The following IL31RA variants were observed in gnomAD, a reference collection of about 807,000 sequenced individuals.
IL31RA encodes interleukin 31 receptor A.
IL31RA carries 66 observed loss-of-function variants against 83.7 expected under a neutral mutation model. The observed-to-expected ratio is 0.79, with a 90% CI of 0.65 to 0.97. The LOEUF is 0.97. Ranked by LOEUF, IL31RA falls within the 50% of genes least tolerant of loss-of-function variation. The pLI is 0.00. For synonymous variants in IL31RA, 325 were observed against 329.0 expected, an observed-to-expected ratio of 0.99 and a Z score of 0.13; for missense variants, 798 against 919.4, an observed-to-expected ratio of 0.87 and a Z score of 1.71.
Position 55,886,268 on chromosome 5 carries a change from C to CTTTTTTTTTTTTTTTTTTT in IL31RA, c.606+3078_606+3096dup, listed in dbSNP as rs35481013. Among the ~76,000 whole-genome samples the CTTTTTTTTTTTTTTTTTTT allele has an allele frequency of 5.6e-5, 4 of 71,510 alleles. 1 individual carries two copies. Among genetic ancestry groups the CTTTTTTTTTTTTTTTTTTT allele is most frequent in the African/African-American group, 2.2e-4 (3 of 13,704 alleles). 46.9% of individuals were successfully genotyped at this position (71,510 alleles called of 152,430 possible). Reference sequence around the variant, plus strand: ...GCTAGCTTGCTTGCTTGCTTGCTTGCTTTTTTTTTTTTTTTTTTTTTTTGA... The same window carrying CTTTTTTTTTTTTTTTTTTT: ...GCTAGCTTGCTTGCTTGCTTGCTTGCTTTTTTTTTTTTTTTTTTTTTTTTTTTTTTTTTTTTTTTTTTGA... On this transcript the variant is annotated intron_variant, in intron 5 of 14. Transcript: ENST00000652347.
intron 1 of IL31RA, among the ~76,000 whole-genome samples, chr5:55,855,882 T>G (rs1219967933): frequency 1.3e-5 from 2 of 152,086 alleles, no homozygotes; most frequent in Non-Finnish European, 2.9e-5. Context: ...TCTCTTTTGT[T>G]GTTGGTTTTG....
At chr5:55,875,323 T>A (rs1365601223) in intron 4 of IL31RA, among the ~76,000 whole-genome samples, 2 of 152,190 alleles carry the variant, frequency 1.3e-5, no homozygotes, top group African/African-American at 4.8e-5. Flanking sequence ...GGTCTGTAGC[T>A]TTCTTGTGAT....
chr5:55,892,200 C>CT (rs1020464085), intron 6 of IL31RA, among the ~76,000 whole-genome samples: 11 of 152,306 alleles, frequency 7.2e-5, no homozygotes, highest in African/African-American at 2.6e-4. Flanking sequence ...AATGCCCACC[C>CT]TTCTAACCTT....
At position 55,890,245 on chromosome 5, in the gene IL31RA, C is replaced by T. The variant is rs1747903612; in HGVS notation, c.772+110C>T. On this transcript the variant is annotated intron_variant, in intron 6 of 14. Transcript: ENST00000652347. ...GGTTGGGAATCATGGAATCTCATGA[C>T]CCCAGGGGCCCCCTGTACCATCGAG... 7 of 1,036,254 alleles carry T rather than the reference C, an allele frequency of 6.8e-6. No homozygotes were observed. The East Asian group carries it at 1.8e-4, about 26-fold the overall frequency. The allele number at this position is 1,036,254 out of a possible 1,614,324, so 64.2% of individuals were successfully genotyped here.
intron 3 of IL31RA, among the ~76,000 whole-genome samples, chr5:55,870,821 G>A (rs1746461624): frequency 6.6e-6 from 1 of 152,198 alleles, no homozygotes; most frequent in Admixed American, 6.5e-5. Context: ...ACCTTCTGAT[G>A]TCCAGAAACA....
At chr5:55,907,746 C>T (rs944320104) in intron 10 of IL31RA, among the ~76,000 whole-genome samples, 22 of 152,300 alleles carry the variant, frequency 1.4e-4, no homozygotes, top group African/African-American at 5.3e-4. Flanking sequence ...AGAGCTGCTA[C>T]CAGCAATAAC....
intron 12 of IL31RA, among the ~76,000 whole-genome samples, chr5:55,912,885 T>G (rs536973978): frequency 6.6e-6 from 1 of 152,040 alleles, no homozygotes; most frequent in East Asian, 2.0e-4. Context: ...GGAGGTTGCT[T>G]GAGCCCAGGA....
At position 55,900,108 on chromosome 5, in the gene IL31RA, AG is replaced by A; in HGVS notation, c.1047del (p.Ile350PhefsTer24). The A allele has an allele frequency of 6.2e-7, 1 of 1,613,720 alleles. No individual in the cohort carries two copies. The highest frequency in any genetic ancestry group is 1.1e-5 in the South Asian group (1 of 91,074). ...SLGKSPVATLRIPAIQEKSFQ... is the reference protein window; with the variant it reads ...SLGKSPVATLXIPAIQEKSFQ... Reference sequence around the variant, plus strand: ...TGGGAAGTCTCCAGTGGCCACCCTGAGGATTCCAGCTATTCAAGAAAAATGT... The same window carrying A: ...TGGGAAGTCTCCAGTGGCCACCCTGAGATTCCAGCTATTCAAGAAAAATGT... On this transcript the variant is annotated frameshift_variant, in exon 8 of 15. Coordinates refer to ENST00000652347, the MANE Select transcript of IL31RA (RefSeq NM_139017.7). LOFTEE classifies it high-confidence loss of function.
intron 8 of IL31RA, among the ~76,000 whole-genome samples, chr5:55,901,725 C>A (rs1353885078): frequency 6.6e-6 from 1 of 151,906 alleles, no homozygotes; most frequent in African/African-American, 2.4e-5. Context: ...AAGCAATTAT[C>A]CTGCCTCAGC....
chr5:55,910,683 C>T lies in IL31RA; in HGVS notation c.1642+11C>T, dbSNP rs761817293. On this transcript the variant is annotated intron_variant, in intron 12 of 14. Transcript: ENST00000652347. Reference sequence around the variant, plus strand: ...AGACATTGTCATTCAGTGAGTATTTCCTTCAAGCCTTAGGTACCTCTCCCT... The same window carrying T: ...AGACATTGTCATTCAGTGAGTATTTTCTTCAAGCCTTAGGTACCTCTCCCT... 1.1e-4 allele frequency: 170 copies of T among 1,613,854 alleles called. No homozygotes were observed. The highest frequency in any genetic ancestry group is 1.4e-4 in the Non-Finnish European group (163 of 1,179,858).
chr5:55,877,850 T>A (rs1034236626), intron 4 of IL31RA, among the ~76,000 whole-genome samples: 1 of 152,170 alleles, frequency 6.6e-6, no homozygotes, highest in African/African-American at 2.4e-5. Context: ...GATTCTTGGA[T>A]TTGTAGATTT....
chr5:55,848,759 G>A (rs1202345930), upstream of IL31RA, among the ~76,000 whole-genome samples: 1 of 152,086 alleles, frequency 6.6e-6, no homozygotes. Flanking sequence ...GAGATGGGGG[G>A]GCTGCCTCAG....
chr5:55,905,406 A>G (rs1749086928), intron 8 of IL31RA, among the ~76,000 whole-genome samples: 1 of 151,968 alleles, frequency 6.6e-6, no homozygotes, highest in Non-Finnish European at 1.5e-5. Context: ...GTGTTCGAAT[A>G]TTTTCAGTAA....
rs2432147 is a variant in IL31RA, at chr5:55,867,279, A to G, written c.155-1512A>G. Among the ~76,000 whole-genome samples, 132 of 14,174 alleles carry G rather than the reference A, an allele frequency of 9.3e-3. 4 individuals carry two copies. Among genetic ancestry groups the G allele is most frequent in the Middle Eastern group, 0.12 (2 of 16 alleles). 9.3% of individuals were successfully genotyped at this position (14,174 alleles called of 152,430 possible). On this transcript the variant is annotated intron_variant, in intron 2 of 14. Transcript: ENST00000652347. ...CGTGTGTTTGTGTGCGTGTGTGTGC[A>G]TGTGTGTGTGCATGTGTGTGTGTGC... is the stretch of plus-strand genomic sequence containing the variant.
At chr5:55,909,226 T>C (rs1487039804) in intron 11 of IL31RA, 2 of 152,714 alleles carry the variant, frequency 1.3e-5, no homozygotes, top group East Asian at 3.8e-4. Flanking sequence ...TACTTATTCA[T>C]TTTTATGGCT....
chr5:55,896,205 T>C (rs929812789), intron 6 of IL31RA, 145 bp from the exon 7 acceptor site: 5 of 707,774 alleles, frequency 7.1e-6, no homozygotes, highest in African/African-American at 3.5e-5. Context: ...TCTTTGGTCA[T>C]TGCAAAGCTG....
At position 55,906,207 on chromosome 5, in the gene IL31RA, T is replaced by C. The variant is rs1749144461; in HGVS notation, c.1171T>C (p.Trp391Arg). ...ALDVNTWMIE[W>R]FPDVDSEPTT... ...AGACGTGAACACTTGGATGATTGAA[T>C]GGTTTCCGGATGTGGACTCAGAGCC... The change falls in exon 9 of 15, where the codon TGG becomes CGG. Residue 391 changes from tryptophan to arginine, a missense_variant. Transcript: ENST00000652347. The C allele has an allele frequency of 1.2e-6, 2 of 1,614,034 alleles. No individual in the cohort carries two copies. Among genetic ancestry groups the C allele is most frequent in the Non-Finnish European group, 1.7e-6 (2 of 1,180,022 alleles).
At chr5:55,886,117 A>G (rs948086681) in intron 5 of IL31RA, among the ~76,000 whole-genome samples, 3 of 151,900 alleles carry the variant, frequency 2.0e-5, no homozygotes, top group Non-Finnish European at 4.4e-5. Flanking sequence ...ATCTTTAACA[A>G]ACTCACCCAC....
intron 1 of IL31RA, among the ~76,000 whole-genome samples, 158 bp downstream of exon 1, chr5:55,851,791 G>A (rs1268605444): frequency 1.3e-5 from 2 of 152,170 alleles, no homozygotes; most frequent in African/African-American, 2.4e-5. Context: ...CTTATTGTTG[G>A]CAACCTTATT....
Sources: allele counts gnomAD v4.1 joint callset (sites outside exome capture counted in the v4.1 genomes callset), GRCh38; gene constraint gnomAD v4.1.1; transcripts MANE v1.5; gene names NCBI Gene and HGNC (gene_info 2026-07-23, HGNC 2026-07-21).